AGMO: variants seen among roughly 807,000 people sequenced by gnomAD.
AGMO encodes alkylglycerol monooxygenase, also known as glyceryl-ether monooxygenase.
In AGMO, 75 loss-of-function variants were observed where a neutral mutation model predicts 60.2. The observed-to-expected ratio is 1.25, with a 90% CI of 1.03 to 1.51. The LOEUF is 1.51. Among genes scored for constraint, AGMO ranks in the 40% most tolerant of loss-of-function variants. The pLI, the probability that AGMO is intolerant of heterozygous loss-of-function variation, is 0.00. For synonymous variants in AGMO, 261 were observed against 177.1 expected, an observed-to-expected ratio of 1.47 and a Z score of -3.76; for missense variants, 763 against 525.5, an observed-to-expected ratio of 1.45 and a Z score of -4.42.
At chr7:15,275,732 T>C (rs935610891) in intron 12 of AGMO, among the ~76,000 whole-genome samples, 9 of 152,170 alleles carry the variant, frequency 5.9e-5, no homozygotes, top group Non-Finnish European at 4.4e-5. Context: ...GTTGGGTGCA[T>C]ATATATTTAG....
intron 10 of AGMO, among the ~76,000 whole-genome samples, chr7:15,380,195 A>C (rs987604069): frequency 3.3e-5 from 5 of 151,942 alleles, no homozygotes; most frequent in African/African-American, 1.2e-4. Context: ...ACAAAGGGCA[A>C]CAATAAGAAG....
rs1781226690 is a variant in AGMO, at chr7:15,431,126, T to G, written c.410-18A>C. On this transcript the variant is annotated intron_variant, in intron 3 of 12. Coordinates refer to ENST00000342526, the MANE Select transcript of AGMO (RefSeq NM_001004320.2). The stretch of plus-strand genomic sequence containing the variant: ...ATTAACTTCTGCAAAACACATAATT[T>G]GCAATGAGCCATGAGAATAAGAACA... 3 of 1,569,836 alleles carry G rather than the reference T, an allele frequency of 1.9e-6. No homozygotes were observed. The highest frequency in any genetic ancestry group is 1.8e-6 in the Non-Finnish European group (2 of 1,141,042).
intron 12 of AGMO, among the ~76,000 whole-genome samples, chr7:15,247,424 AC>A (rs1563053269): frequency 1.0e-5 from 1 of 97,858 alleles, no homozygotes; most frequent in South Asian, 3.3e-4. Flanking sequence ...TCACACACAC[AC>A]ACACACACAC....
the AGMO span, among the ~76,000 whole-genome samples, chr7:15,145,169 T>G: frequency 6.6e-6 from 1 of 152,178 alleles, no homozygotes; most frequent in African/African-American, 2.4e-5. Context: ...AAATATCACC[T>G]GCCTATTGCC....
At chr7:15,361,177 C>G (rs756436738) in intron 12 of AGMO, among the ~76,000 whole-genome samples, 8 of 151,746 alleles carry the variant, frequency 5.3e-5, no homozygotes, top group Non-Finnish European at 1.2e-4. Context: ...ACAATGGTGT[C>G]TTTGACTGAA....
intron 12 of AGMO, among the ~76,000 whole-genome samples, chr7:15,359,638 G>C (rs1408840981): frequency 1.3e-5 from 2 of 152,126 alleles, no homozygotes; most frequent in African/African-American, 2.4e-5. Flanking sequence ...CTGTGTCTTA[G>C]AGCCATCATT....
intron 4 of AGMO, among the ~76,000 whole-genome samples, chr7:15,424,630 T>C (rs1278801379): frequency 6.6e-6 from 1 of 152,224 alleles, no homozygotes; most frequent in Admixed American, 6.5e-5. Flanking sequence ...CATTAGTCTT[T>C]GATACTAGCA....
intron 12 of AGMO, among the ~76,000 whole-genome samples, chr7:15,206,515 G>GT (rs1337761783): frequency 6.6e-6 from 1 of 151,890 alleles, no homozygotes; most frequent in Non-Finnish European, 1.5e-5. Flanking sequence ...GCCTTTTAAG[G>GT]TTTTTTCCTA....
intron 3 of AGMO, among the ~76,000 whole-genome samples, chr7:15,437,666 C>G (rs1164603783): frequency 6.6e-6 from 1 of 151,886 alleles, no homozygotes; most frequent in East Asian, 1.9e-4. Flanking sequence ...TCCCAAGTAG[C>G]TGGGATTACA....
At chr7:15,173,312 AAAAC>A in the AGMO span, among the ~76,000 whole-genome samples, 1 of 152,174 alleles carries the variant, frequency 6.6e-6, no homozygotes, top group Non-Finnish European at 1.5e-5. Flanking sequence ...CTTGAAAACA[AAAAC>A]AAAGCCCAAA....
chr7:15,343,338 T>TTATA (rs1401668115), intron 12 of AGMO, among the ~76,000 whole-genome samples: 1 of 152,136 alleles, frequency 6.6e-6, no homozygotes, highest in Admixed American at 6.5e-5. Context: ...GCGGAAATAA[T>TTATA]TATAGACAAC....
At chr7:15,335,811 T>TCA (rs1781641267) in intron 12 of AGMO, among the ~76,000 whole-genome samples, 1 of 152,200 alleles carries the variant, frequency 6.6e-6, no homozygotes, top group Non-Finnish European at 1.5e-5. Context: ...AGTTGTGGTT[T>TCA]CAGTAGCCAT....
At chr7:15,193,325 TAAC>T in the AGMO span, among the ~76,000 whole-genome samples, 1 of 152,340 alleles carries the variant, frequency 6.6e-6, no homozygotes, top group Middle Eastern at 3.4e-3. Flanking sequence ...ACATTCAGAA[TAAC>T]GTTTCAAAAA....
intron 4 of AGMO, among the ~76,000 whole-genome samples, chr7:15,426,114 A>C (rs1433224089): frequency 6.6e-6 from 1 of 152,204 alleles, no homozygotes; most frequent in African/African-American, 2.4e-5. Context: ...ATTAAATAAA[A>C]ATATTTAAAT....
intron 3 of AGMO, among the ~76,000 whole-genome samples, chr7:15,459,741 T>C (rs956183252): frequency 2.6e-5 from 4 of 152,004 alleles, no homozygotes; most frequent in African/African-American, 9.7e-5. Flanking sequence ...ATGGACTGTA[T>C]TTGACTCAGT....
intron 3 of AGMO, among the ~76,000 whole-genome samples, chr7:15,531,600 A>ATATATATTCTATG (rs1272494434): frequency 8.3e-6 from 1 of 120,678 alleles, no homozygotes; most frequent in Non-Finnish European, 1.6e-5. Context: ...TATATTCTAT[A>ATATATATTCTATG]TATATATTCT....
At chr7:15,209,561 A>G (rs1339669313) in intron 12 of AGMO, among the ~76,000 whole-genome samples, 1 of 152,224 alleles carries the variant, frequency 6.6e-6, no homozygotes. Context: ...ACCTCCCAGC[A>G]TACGCTAATA....
chr7:15,182,797 G>A, the AGMO span, among the ~76,000 whole-genome samples: 4 of 152,116 alleles, frequency 2.6e-5, no homozygotes, highest in African/African-American at 9.7e-5. Flanking sequence ...AAGGAAAACA[G>A]GTTTAATTGG....
rs568573630 is a variant in AGMO, at chr7:15,201,874, G to A, written c.1264-515C>T. On this transcript the variant is annotated intron_variant, in intron 12 of 12. Transcript: ENST00000342526. Reference sequence around the variant, plus strand: ...CCTCAGTCTTTTGATTTTATCAGGTGTAAAAATGTAACTGCAAATTTCTTT... The same window carrying A: ...CCTCAGTCTTTTGATTTTATCAGGTATAAAAATGTAACTGCAAATTTCTTT... 5.9e-5 allele frequency among the ~76,000 whole-genome samples: 9 copies of A among 152,246 alleles called. No individual in the cohort carries two copies. In the South Asian group the frequency reaches 1.9e-3, roughly 32 times the overall value.
Sources: gnomAD v4.1 joint callset for allele counts (sites outside exome capture counted in the v4.1 genomes callset) on GRCh38, gnomAD v4.1.1 for gene constraint, MANE v1.5 for transcripts, NCBI Gene and HGNC (gene_info 2026-07-23, HGNC 2026-07-21) for gene names.